MAD1L1: variants seen among roughly 807,000 people sequenced by gnomAD.
The protein encoded by MAD1L1 is mitotic spindle assembly checkpoint protein MAD1.
MAD1L1 carries 95 observed loss-of-function variants against 96.9 expected under a neutral mutation model. The ratio of observed to expected loss-of-function variants is 0.98; its 90% confidence interval spans 0.83 to 1.16. The LOEUF is 1.16. MAD1L1 is among the 50% of genes most tolerant of loss of function. MAD1L1 has a pLI of 0.00. For synonymous variants in MAD1L1, 473 were observed against 396.6 expected (o/e 1.19, Z -2.29); for missense variants, 1,007 against 954.4 (o/e 1.06, Z -0.73).
chr7:2,091,831 T>A (rs548965424), intron 11 of MAD1L1, among the ~76,000 whole-genome samples: 58 of 152,276 alleles, frequency 3.8e-4, no homozygotes, highest in Middle Eastern at 3.4e-3. Flanking sequence ...CTTGTCCCAT[T>A]CTCTCACTGA....
chr7:1,830,531 C>A (rs1782652332), intron 18 of MAD1L1, among the ~76,000 whole-genome samples: 1 of 152,244 alleles, frequency 6.6e-6, no homozygotes, highest in Non-Finnish European at 1.5e-5. Context: ...TTATTTACAT[C>A]TCTTTCAAAG....
chr7:2,165,798 C>G (rs1790399449), intron 10 of MAD1L1, among the ~76,000 whole-genome samples: 1 of 152,108 alleles, frequency 6.6e-6, no homozygotes, highest in Non-Finnish European at 1.5e-5. Flanking sequence ...GACAGAGTGC[C>G]CCTGAGGACC....
chr7:2,066,779 C>A (rs1784892440), intron 12 of MAD1L1, among the ~76,000 whole-genome samples: 1 of 152,228 alleles, frequency 6.6e-6, no homozygotes, highest in Non-Finnish European at 1.5e-5. Context: ...CGGCCGGGAG[C>A]CCTGGCACTA....
At chr7:1,821,727 T>G (rs142191782) in intron 18 of MAD1L1, among the ~76,000 whole-genome samples, 1 of 152,202 alleles carries the variant, frequency 6.6e-6, no homozygotes, top group Non-Finnish European at 1.5e-5. Context: ...TGAAAAAATT[T>G]AATCTCCATT....
chr7:2,210,929 C>T (rs1483239194), intron 10 of MAD1L1, among the ~76,000 whole-genome samples: 1 of 152,244 alleles, frequency 6.6e-6, no homozygotes, highest in Non-Finnish European at 1.5e-5. Context: ...CACGTCGGAT[C>T]TTCACACGCA....
intron 11 of MAD1L1, among the ~76,000 whole-genome samples, chr7:2,074,121 G>A (rs750235477): frequency 5.9e-5 from 9 of 152,190 alleles, no homozygotes; most frequent in Admixed American, 2.6e-4. Flanking sequence ...CAGCACACGG[G>A]ATGTGGGTGA....
At chr7:2,021,658 G>A (rs980374897) in intron 12 of MAD1L1, among the ~76,000 whole-genome samples, 1 of 152,076 alleles carries the variant, frequency 6.6e-6, no homozygotes, top group African/African-American at 2.4e-5. Context: ...CCAGCTACTC[G>A]GGAGGCTGAG....
At chr7:2,222,855 A>T (rs1289606545) in intron 4 of MAD1L1, 101 bp from the exon 5 acceptor site, 2 of 1,018,974 alleles carry the variant, frequency 2.0e-6, no homozygotes, top group East Asian at 5.3e-5. Flanking sequence ...GAGGCACAAA[A>T]AAGAGCCGAG....
intron 11 of MAD1L1, among the ~76,000 whole-genome samples, chr7:2,075,298 G>A (rs1456150480): frequency 6.6e-6 from 1 of 152,200 alleles, no homozygotes; most frequent in Admixed American, 6.5e-5. Context: ...CAGGCGTGCA[G>A]GTAGAGGCGC....
chr7:2,009,213 T>C (rs1057483810), intron 13 of MAD1L1, among the ~76,000 whole-genome samples: 13 of 152,172 alleles, frequency 8.5e-5, no homozygotes, highest in Admixed American at 8.5e-4. Flanking sequence ...AGCCGGGCTA[T>C]TTTTATCCTG....
At chr7:2,187,733 G>A (rs1182414152) in intron 10 of MAD1L1, among the ~76,000 whole-genome samples, 2 of 152,216 alleles carry the variant, frequency 1.3e-5, no homozygotes, top group Middle Eastern at 3.2e-3. Context: ...ACTAAAGTGC[G>A]ATGGTTGGTC....
At chr7:1,995,375 A>C (rs958387551) in intron 14 of MAD1L1, among the ~76,000 whole-genome samples, 1 of 152,178 alleles carries the variant, frequency 6.6e-6, no homozygotes, top group Non-Finnish European at 1.5e-5. Context: ...GGATCTTCCC[A>C]GCACACGAAC....
At chr7:2,210,613 C>T (rs1044990801) in intron 10 of MAD1L1, among the ~76,000 whole-genome samples, 4 of 152,172 alleles carry the variant, frequency 2.6e-5, no homozygotes, top group Non-Finnish European at 5.9e-5. Flanking sequence ...ACCCCACTGA[C>T]GTCCAGCGTG....
At chr7:1,928,996 G>A (rs946790925) in intron 17 of MAD1L1, among the ~76,000 whole-genome samples, 7 of 152,198 alleles carry the variant, frequency 4.6e-5, no homozygotes, top group Non-Finnish European at 7.4e-5. Flanking sequence ...GACAGAAGCA[G>A]TGCACAGGAC....
chr7:1,980,093 G>A (rs1450837041), intron 15 of MAD1L1, among the ~76,000 whole-genome samples: 1 of 152,226 alleles, frequency 6.6e-6, no homozygotes. Flanking sequence ...AGCACACAGA[G>A]AAGGTCACGG....
At chr7:2,126,380 G>C (rs979513995) in intron 11 of MAD1L1, among the ~76,000 whole-genome samples, 1 of 152,162 alleles carries the variant, frequency 6.6e-6, no homozygotes, top group Non-Finnish European at 1.5e-5. Context: ...TGCACAGAAA[G>C]GGCAGAACCC....
intron 15 of MAD1L1, among the ~76,000 whole-genome samples, chr7:1,980,213 C>T (rs1295551856): frequency 1.3e-5 from 2 of 152,160 alleles, no homozygotes; most frequent in Admixed American, 6.5e-5. Context: ...CACGCCTGAG[C>T]ATGTCCACTT....
intron 15 of MAD1L1, among the ~76,000 whole-genome samples, chr7:1,958,042 G>A (rs536533461): frequency 6.6e-6 from 1 of 152,320 alleles, no homozygotes; most frequent in Non-Finnish European, 1.5e-5. Context: ...CAGTGTGTCC[G>A]TGTCCGTCAG....
chr7:1,871,027 T>C (rs113514473), intron 18 of MAD1L1, among the ~76,000 whole-genome samples: 160 of 75,038 alleles, frequency 2.1e-3, no homozygotes, highest in East Asian at 3.5e-3. Context: ...ACGCTGAACC[T>C]AACATACGCC....
Sources: gnomAD v4.1 joint callset for allele counts (sites outside exome capture counted in the v4.1 genomes callset) on GRCh38, gnomAD v4.1.1 for gene constraint, MANE v1.5 for transcripts, NCBI Gene and HGNC (gene_info 2026-07-23, HGNC 2026-07-21) for gene names.